The following FGF10 variants were observed in gnomAD, a reference collection of about 807,000 sequenced individuals.
The protein encoded by FGF10 is fibroblast growth factor 10.
A neutral mutation model predicts 19.8 loss-of-function variants in FGF10; 2 were observed. The ratio of observed to expected loss-of-function variants is 0.10; its 90% CI spans 0.04 to 0.32. FGF10 has a LOEUF of 0.32. Ranked by LOEUF, FGF10 falls within the 10% of genes least tolerant of loss-of-function variation. The pLI is 1.00. For synonymous variants in FGF10, 112 were observed against 94.0 expected, an observed-to-expected ratio of 1.19 and a Z score of -1.10; for missense variants, 191 against 246.3, an observed-to-expected ratio of 0.78 and a Z score of 1.50.
At position 44,303,262 on chromosome 5, in the gene FGF10, A is replaced by G. The variant is rs1038042127; in HGVS notation, c.*1733T>C. Among the ~76,000 whole-genome samples the G allele has an allele frequency of 2.0e-5, 3 of 152,182 alleles. No homozygotes were observed. Among genetic ancestry groups the G allele is most frequent in the African/African-American group, 7.2e-5 (3 of 41,448 alleles). On this transcript the variant is annotated 3_prime_UTR_variant, in exon 3 of 3. Transcript: ENST00000264664. ...CTTAATAAAGCAATTTTTAAAAATA[A>G]CAGATTAACTGGAAGTGCTGGTTAA... is the stretch of plus-strand genomic sequence containing the variant.
intron 1 of FGF10, among the ~76,000 whole-genome samples, chr5:44,336,558 T>G (rs906254218): frequency 2.0e-5 from 3 of 152,146 alleles, no homozygotes; most frequent in African/African-American, 7.2e-5. Context: ...ATTTCTCTAA[T>G]GAGTACCCTA....
intron 1 of FGF10, among the ~76,000 whole-genome samples, chr5:44,351,289 C>T (rs1579925469): frequency 6.6e-6 from 1 of 151,264 alleles, no homozygotes; most frequent in African/African-American, 2.4e-5. Flanking sequence ...GATTTCTCAC[C>T]CAACAATAAA....
At chr5:44,335,359 T>C (rs2111772102) in intron 1 of FGF10, among the ~76,000 whole-genome samples, 1 of 152,212 alleles carries the variant, frequency 6.6e-6, no homozygotes, top group Admixed American at 6.6e-5. Flanking sequence ...TAAACTCTAG[T>C]GGCTGTATTT....
chr5:44,312,155 T>C (rs1041678656), intron 1 of FGF10, among the ~76,000 whole-genome samples: 7 of 151,808 alleles, frequency 4.6e-5, no homozygotes, highest in Admixed American at 4.0e-4. Flanking sequence ...ATTTGTGTTT[T>C]TTTACATCCA....
intron 1 of FGF10, among the ~76,000 whole-genome samples, chr5:44,355,261 T>C (rs1374967): frequency 0.66 from 99,833 of 151,108 alleles, 33,196 homozygotes; most frequent in South Asian, 0.71. Context: ...CTCTGATGTA[T>C]GTGGCTTCAA....
intron 1 of FGF10, among the ~76,000 whole-genome samples, chr5:44,331,854 C>T (rs537856124): frequency 5.8e-4 from 88 of 152,064 alleles, no homozygotes; most frequent in Middle Eastern, 3.4e-3. Context: ...CTAACAGTGC[C>T]ATGAATATTG....
intron 1 of FGF10, among the ~76,000 whole-genome samples, chr5:44,349,473 A>AATATATATATAT (rs1232625126): frequency 8.6e-5 from 2 of 23,230 alleles, no homozygotes; most frequent in South Asian, 1.7e-3. Flanking sequence ...TATATATCAG[A>AATATATATATAT]ATATATATAT....
At chr5:44,342,647 T>G (rs1432270382) in intron 1 of FGF10, among the ~76,000 whole-genome samples, 5 of 151,832 alleles carry the variant, frequency 3.3e-5, no homozygotes, top group African/African-American at 1.2e-4. Flanking sequence ...ATGAAAATAT[T>G]TAGGAAGTTC....
At chr5:44,356,365 T>C (rs1741347731) in intron 1 of FGF10, among the ~76,000 whole-genome samples, 1 of 151,492 alleles carries the variant, frequency 6.6e-6, no homozygotes, top group Non-Finnish European at 1.5e-5. Flanking sequence ...GTAATTTTAT[T>C]AGCTGATCTA....
rs1368197796 is a variant in FGF10, at chr5:44,387,871, C to T, written c.325+487G>A. Among the ~76,000 whole-genome samples the T allele has an allele frequency of 3.9e-5, 6 of 151,996 alleles. No homozygotes were observed. In the East Asian group the frequency reaches 1.2e-3, roughly 30 times the overall value. Reference sequence around the variant, plus strand: ...GACTTTTCTTTCTTAAATAAAGTTCCCACAAAGCCCCTATAATTGACAGCG... The same window carrying T: ...GACTTTTCTTTCTTAAATAAAGTTCTCACAAAGCCCCTATAATTGACAGCG... On this transcript the variant is annotated intron_variant, in intron 1 of 2. Coordinates refer to ENST00000264664, the MANE Select transcript of FGF10 (RefSeq NM_004465.2).
intron 1 of FGF10, among the ~76,000 whole-genome samples, chr5:44,311,792 C>T (rs1234770295): frequency 4.6e-5 from 7 of 152,078 alleles, no homozygotes; most frequent in Admixed American, 2.0e-4. Flanking sequence ...AGCATATTAT[C>T]ATTTGTCATG....
At chr5:44,363,370 A>G (rs1438284319) in intron 1 of FGF10, among the ~76,000 whole-genome samples, 1 of 151,836 alleles carries the variant, frequency 6.6e-6, no homozygotes, top group Non-Finnish European at 1.5e-5. Flanking sequence ...GGGAATTTTA[A>G]CCTTCATAAG....
intron 1 of FGF10, among the ~76,000 whole-genome samples, chr5:44,333,611 G>A (rs1740785854): frequency 6.6e-6 from 1 of 152,072 alleles, no homozygotes; most frequent in African/African-American, 2.4e-5. Context: ...GAAACTAAAA[G>A]AGGTTAAAGT....
intron 1 of FGF10, among the ~76,000 whole-genome samples, chr5:44,363,951 A>G (rs1376667456): frequency 1.3e-5 from 2 of 151,766 alleles, no homozygotes; most frequent in African/African-American, 4.8e-5. Flanking sequence ...AATAAACAAG[A>G]CTTCCTTATA....
At chr5:44,341,500 A>G (rs965730931) in intron 1 of FGF10, among the ~76,000 whole-genome samples, 8 of 151,976 alleles carry the variant, frequency 5.3e-5, no homozygotes, top group African/African-American at 1.9e-4. Context: ...TTATTAAAAA[A>G]AAAACATAAA....
chr5:44,385,063 T>C (rs2111929179), intron 1 of FGF10, among the ~76,000 whole-genome samples: 1 of 152,214 alleles, frequency 6.6e-6, no homozygotes, highest in South Asian at 2.1e-4. Flanking sequence ...TGGTAAGGTT[T>C]CAAGGGCAAA....
chr5:44,352,020 A>C (rs758026713), intron 1 of FGF10, among the ~76,000 whole-genome samples: 1 of 151,646 alleles, frequency 6.6e-6, no homozygotes, highest in Admixed American at 6.6e-5. Flanking sequence ...TATTTATAGA[A>C]TCAATCAGTT....
intron 1 of FGF10, among the ~76,000 whole-genome samples, chr5:44,334,215 T>C (rs1409193971): frequency 6.6e-6 from 1 of 152,164 alleles, no homozygotes; most frequent in Non-Finnish European, 1.5e-5. Flanking sequence ...TATAGTGCCC[T>C]ATCCTTATGT....
chr5:44,350,884 C>T lies in FGF10; in HGVS notation c.325+37474G>A, dbSNP rs569899702. 2.0e-3 allele frequency among the ~76,000 whole-genome samples: 306 copies of T among 151,290 alleles called. 1 individual carries two copies. The highest frequency in any genetic ancestry group is 3.4e-3 in the Middle Eastern group (1 of 292). ...TTGGTAACTTCCAGGTTGAAAGTTTCCAAGTTCAGAAAACTTGTTTTTATT... is the reference window on the plus strand; with the variant it reads ...TTGGTAACTTCCAGGTTGAAAGTTTTCAAGTTCAGAAAACTTGTTTTTATT... On this transcript the variant is annotated intron_variant, in intron 1 of 2. Transcript: ENST00000264664.
Sources: allele counts gnomAD v4.1 joint callset (sites outside exome capture counted in the v4.1 genomes callset), GRCh38; gene constraint gnomAD v4.1.1; transcripts MANE v1.5; gene names NCBI Gene and HGNC (gene_info 2026-07-23, HGNC 2026-07-21).